TCF7L2: variants seen among roughly 807,000 people sequenced by gnomAD.
TCF7L2 encodes the protein transcription factor 7 like 2.
Under a neutral mutation model 77.9 loss-of-function variants are expected in TCF7L2, and 23 were observed. The observed-to-expected ratio is 0.30, with a 90% CI of 0.21 to 0.42. The LOEUF (loss-of-function observed/expected upper bound fraction) is 0.42, where lower values mean the gene tolerates loss of function less well. Among genes scored for constraint, TCF7L2 ranks in the 10% least tolerant of loss-of-function variants. TCF7L2 has a pLI of 1.00. For missense variants in TCF7L2, 654 were observed against 793.1 expected (o/e 0.82, Z 2.11); for synonymous variants, 413 against 340.2 (o/e 1.21, Z -2.36).
intron 5 of TCF7L2, among the ~76,000 whole-genome samples, chr10:113,063,891 G>GGT (rs1358844078): frequency 3.0e-4 from 23 of 77,234 alleles, no homozygotes; most frequent in Admixed American, 1.8e-3. Flanking sequence ...ACATGGATGT[G>GGT]GCGTGTGTGT....
chr10:113,041,663 G>A (rs2052471635), intron 5 of TCF7L2, among the ~76,000 whole-genome samples: 1 of 152,038 alleles, frequency 6.6e-6, no homozygotes, highest in Non-Finnish European at 1.5e-5. Flanking sequence ...TCTAATGCAG[G>A]TTTCTCCAAA....
At chr10:112,995,748 T>G (rs914406566) in intron 4 of TCF7L2, among the ~76,000 whole-genome samples, 7 of 152,160 alleles carry the variant, frequency 4.6e-5, no homozygotes, top group African/African-American at 1.7e-4. Context: ...AGTCACTGCT[T>G]GCTGGCGCCT....
At chr10:113,029,110 G>A (rs1182332975) in intron 4 of TCF7L2, among the ~76,000 whole-genome samples, 4 of 152,206 alleles carry the variant, frequency 2.6e-5, no homozygotes, top group African/African-American at 9.6e-5. Context: ...CTTTAGGTAT[G>A]TGATTTCATG....
At chr10:113,114,799 T>C (rs186569249) in intron 5 of TCF7L2, among the ~76,000 whole-genome samples, 48 of 152,364 alleles carry the variant, frequency 3.2e-4, no homozygotes, top group African/African-American at 1.1e-3. Flanking sequence ...TTTACTGTAG[T>C]CTCAGTTTGC....
chr10:112,978,042 A>T (rs2039763172), intron 4 of TCF7L2, among the ~76,000 whole-genome samples: 1 of 152,198 alleles, frequency 6.6e-6, no homozygotes, highest in South Asian at 2.1e-4. Flanking sequence ...TAAGCCTTGT[A>T]ACAGGAGGCC....
intron 4 of TCF7L2, among the ~76,000 whole-genome samples, chr10:113,002,545 G>A (rs145189764): frequency 2.6e-5 from 4 of 152,016 alleles, no homozygotes; most frequent in African/African-American, 9.6e-5. Flanking sequence ...TGTGTGTGGG[G>A]GTGTGTGTGT....
At chr10:113,066,566 C>T (rs1397332431) in intron 5 of TCF7L2, among the ~76,000 whole-genome samples, 1 of 152,070 alleles carries the variant, frequency 6.6e-6, no homozygotes, top group Non-Finnish European at 1.5e-5. Flanking sequence ...CTGTTTGGAG[C>T]CCTAAACTTC....
chr10:113,032,910 G>A (rs113778615), intron 4 of TCF7L2, among the ~76,000 whole-genome samples: 29 of 152,248 alleles, frequency 1.9e-4, no homozygotes, highest in Middle Eastern at 3.4e-3. Context: ...TGAGAAAAAG[G>A]TTAACTGTAA....
Position 112,951,574 on chromosome 10 carries a change from C to T in TCF7L2, c.348C>T (p.Leu116=), listed in dbSNP as rs143305771. 3,231 of 1,372,036 alleles carry T rather than the reference C, an allele frequency of 2.4e-3. 11 individuals carry two copies. The highest frequency in any genetic ancestry group is 0.01 in the Middle Eastern group (51 of 4,900). 85.0% of individuals were successfully genotyped at this position (1,372,036 alleles called of 1,614,324 possible). ...TCCCCGACCTGACGAGCCCCTACCT[C>T]CCCAACGGATCGCTCTCGCCCACCG... Residue 116 remains leucine (L), a synonymous_variant, in exon 3 of 14, where the codon CTC becomes CTT. Coordinates refer to ENST00000627217, the MANE Select transcript of TCF7L2 (RefSeq NM_001146274.2).
At chr10:113,110,862 G>A (rs2063036628) in intron 5 of TCF7L2, among the ~76,000 whole-genome samples, 1 of 152,082 alleles carries the variant, frequency 6.6e-6, no homozygotes, top group Non-Finnish European at 1.5e-5. Flanking sequence ...AGACTAATCT[G>A]GCCAATTGTA....
chr10:113,107,682 A>G (rs576864040), intron 5 of TCF7L2, among the ~76,000 whole-genome samples: 7 of 144,540 alleles, frequency 4.8e-5, no homozygotes, highest in Admixed American at 4.3e-4. Flanking sequence ...GGCGGAGCTT[A>G]CAGCGAGCTT....
At chr10:112,994,532 A>G (rs996733855) in intron 4 of TCF7L2, among the ~76,000 whole-genome samples, 1 of 152,176 alleles carries the variant, frequency 6.6e-6, no homozygotes, top group Non-Finnish European at 1.5e-5. Context: ...TTGTATTGAC[A>G]TGTTTTCATT....
intron 5 of TCF7L2, among the ~76,000 whole-genome samples, chr10:113,056,012 A>C (rs975855002): frequency 6.6e-6 from 1 of 152,226 alleles, no homozygotes; most frequent in African/African-American, 2.4e-5. Flanking sequence ...AACAAGATAC[A>C]AAAATTGTGG....
At chr10:113,135,096 CG>C (rs1249165872) in intron 5 of TCF7L2, among the ~76,000 whole-genome samples, 2 of 152,064 alleles carry the variant, frequency 1.3e-5, no homozygotes, top group African/African-American at 4.8e-5. Flanking sequence ...CTTGTGGGGT[CG>C]GGGTGAGAGG....
chr10:113,126,577 G>A, intron 5 of TCF7L2: 1 of 984,754 alleles, frequency 1.0e-6, no homozygotes, highest in Non-Finnish European at 1.2e-6. Context: ...TTTTTTAAAC[G>A]CCCCCTCCCT....
At chr10:112,992,890 A>G (rs1460009439) in intron 4 of TCF7L2, among the ~76,000 whole-genome samples, 6 of 151,826 alleles carry the variant, frequency 4.0e-5, no homozygotes, top group Admixed American at 3.9e-4. Flanking sequence ...CAGCCTCCCA[A>G]GTAGCTGGGA....
At chr10:113,153,050 G>A (rs529072122) in intron 11 of TCF7L2, among the ~76,000 whole-genome samples, 1 of 152,324 alleles carries the variant, frequency 6.6e-6, no homozygotes, top group African/African-American at 2.4e-5. Flanking sequence ...TCTGGCCCCA[G>A]CAAGGGCAGG....
intron 4 of TCF7L2, among the ~76,000 whole-genome samples, chr10:112,991,033 C>G (rs1215786457): frequency 6.6e-6 from 1 of 152,198 alleles, no homozygotes; most frequent in Non-Finnish European, 1.5e-5. Flanking sequence ...CTTGGGAACT[C>G]TCAGCCTCTG....
At chr10:113,038,465 C>T (rs1232119342) in intron 4 of TCF7L2, among the ~76,000 whole-genome samples, 1 of 152,176 alleles carries the variant, frequency 6.6e-6, no homozygotes, top group African/African-American at 2.4e-5. Flanking sequence ...GGGCAATGAT[C>T]TTCCAGCTTT....
Sources: gnomAD v4.1 joint callset for allele counts (sites outside exome capture counted in the v4.1 genomes callset) on GRCh38, gnomAD v4.1.1 for gene constraint, MANE v1.5 for transcripts, NCBI Gene and HGNC (gene_info 2026-07-23, HGNC 2026-07-21) for gene names.